ABCC11: variants seen among roughly 807,000 people sequenced by gnomAD.
ABCC11 encodes the protein ATP binding cassette subfamily C member 11.
A neutral mutation model predicts 149.3 loss-of-function variants in ABCC11; 135 were observed. The ratio of observed to expected loss-of-function variants is 0.90; its 90% CI spans 0.79 to 1.04. The LOEUF (loss-of-function observed/expected upper bound fraction) is 1.04. Ranked by LOEUF, ABCC11 falls within the 50% of genes least tolerant of loss-of-function variation. The probability of loss-of-function intolerance (pLI) is 0.00; values close to 1 mark genes in which losing one functional copy is unlikely to be tolerated. For missense variants in ABCC11, 1,680 were observed against 1,722.1 expected (o/e 0.98, Z 0.43); for synonymous variants, 665 against 671.4 (o/e 0.99, Z 0.15).
At chr16:48,201,491 T>C (rs952372723) in intron 14 of ABCC11, among the ~76,000 whole-genome samples, 8 of 149,024 alleles carry the variant, frequency 5.4e-5, no homozygotes, top group African/African-American at 2.0e-4. Flanking sequence ...TTTTTTTTTT[T>C]TGTAGAGATG....
chr16:48,223,067 C>T (rs1004938216), intron 5 of ABCC11, among the ~76,000 whole-genome samples: 3 of 152,320 alleles, frequency 2.0e-5, no homozygotes, highest in Middle Eastern at 3.4e-3. Context: ...TGACAGGAGA[C>T]AGGGGACACA....
intron 13 of ABCC11, among the ~76,000 whole-genome samples, chr16:48,203,739 G>C (rs143509346): frequency 2.0e-5 from 3 of 152,248 alleles, no homozygotes; most frequent in African/African-American, 7.2e-5. Flanking sequence ...GTGCTGGTGC[G>C]TGCCTGTAGT....
At chr16:48,206,543 A>C (rs1313792470) in intron 12 of ABCC11, among the ~76,000 whole-genome samples, 1 of 152,212 alleles carries the variant, frequency 6.6e-6, no homozygotes, top group African/African-American at 2.4e-5. Flanking sequence ...TTTATACCCT[A>C]AAATGTTTAC....
intron 6 of ABCC11, among the ~76,000 whole-genome samples, chr16:48,222,102 G>A (rs1204787212): frequency 6.7e-6 from 1 of 149,896 alleles, no homozygotes; most frequent in Non-Finnish European, 1.5e-5. Context: ...TTTTTTGCAG[G>A]GTTGGAAGTA....
At chr16:48,210,893 C>T in intron 11 of ABCC11, 55 bp downstream of exon 11, 1 of 1,591,738 alleles carries the variant, frequency 6.3e-7, no homozygotes, top group Non-Finnish European at 8.6e-7. Flanking sequence ...AGCTCCTAGC[C>T]TCAGGTCCTG....
In ABCC11 at chr16:48,167,335, C is replaced by T. The variant is rs1185647784; in HGVS notation, c.4088G>A (p.Arg1363Gln). Residue 1363 changes from arginine to glutamine, a missense_variant, in exon 30 of 30, where the codon CGG (arginine) becomes CAG (glutamine). Arg to Gln is a conservative substitution (Grantham distance 43). Coordinates refer to ENST00000356608, the MANE Select transcript of ABCC11 (RefSeq NM_001370497.1). ...VVEFDRPEVLRKKPGSLFAAL... is the reference protein window; with the variant it reads ...VVEFDRPEVLQKKPGSLFAAL... ...TGCGAACAATGACCCAGGCTTCTTC[C>T]GCAGTACCTCCGGCCGATCAAATTC... is the stretch of plus-strand genomic sequence containing the variant. The T allele has an allele frequency of 2.2e-5, 24 of 1,099,414 alleles. No individual in the cohort carries two copies. Among genetic ancestry groups the T allele is most frequent in the Middle Eastern group, 2.0e-4 (1 of 5,124 alleles). The allele number at this position is 1,099,414 out of a possible 1,614,324, so 68.1% of individuals were successfully genotyped here.
intron 1 of ABCC11, among the ~76,000 whole-genome samples, chr16:48,241,841 T>C (rs954023774): frequency 6.6e-6 from 1 of 152,200 alleles, no homozygotes; most frequent in Non-Finnish European, 1.5e-5. Flanking sequence ...TGGCTAGCCA[T>C]ATGTAGAAAG....
At chr16:48,179,699 G>A (rs189940272) in intron 23 of ABCC11, among the ~76,000 whole-genome samples, 7 of 152,336 alleles carry the variant, frequency 4.6e-5, no homozygotes, top group Admixed American at 4.6e-4. Context: ...AGAAGCCCTG[G>A]AGTGCCACTG....
intron 22 of ABCC11, 47 bp from the exon 23 acceptor site, chr16:48,184,673 G>C: frequency 6.4e-7 from 1 of 1,573,252 alleles, no homozygotes. Context: ...GTCTGACCTA[G>C]GGTCTCCCCG....
chr16:48,200,745 G>A (rs999101640), intron 14 of ABCC11, among the ~76,000 whole-genome samples: 7 of 152,206 alleles, frequency 4.6e-5, no homozygotes, highest in Admixed American at 1.3e-4. Context: ...GGGTAGGGAA[G>A]GGAGGTGAGA....
intron 14 of ABCC11, 127 bp from the exon 15 acceptor site, chr16:48,200,606 T>G: frequency 1.1e-6 from 1 of 945,800 alleles, no homozygotes; most frequent in Non-Finnish European, 1.5e-6. Context: ...CACTCCAGGA[T>G]ACCTGATAAT....
At chr16:48,177,186 C>T in intron 24 of ABCC11, 73 bp from the exon 25 acceptor site, 14 of 1,483,846 alleles carry the variant, frequency 9.4e-6, no homozygotes, top group Non-Finnish European at 1.3e-5. Context: ...GGCCTGCCAG[C>T]CTCCCGCTGT....
intron 17 of ABCC11, among the ~76,000 whole-genome samples, chr16:48,197,415 T>G (rs556066856): frequency 6.6e-6 from 1 of 152,216 alleles, no homozygotes; most frequent in South Asian, 2.1e-4. Flanking sequence ...AATCTCCACT[T>G]TTGCCGAGAA....
chr16:48,222,598 CT>C lies in ABCC11; in HGVS notation c.776del (p.Glu259GlyfsTer10). 1 of 1,613,588 alleles carries C rather than the reference CT, an allele frequency of 6.2e-7. No individual in the cohort carries two copies. Among genetic ancestry groups the C allele is most frequent in the Non-Finnish European group, 8.5e-7 (1 of 1,179,470 alleles). On this transcript the variant is annotated frameshift_variant and splice_region_variant, in exon 6 of 30. Transcript: ENST00000356608. LOFTEE classifies it high-confidence loss of function. Reference protein sequence around the residue: ...FKSVIHITSGEAISFFTGDVN... With the variant: ...FKSVIHITSGXAISFFTGDVN... ...AGAATAGGCAGTCCCAGCTGCTTAC[CT>C]CTCCTGAGGTGATGTGTATTACAGA...
Position 48,186,467 on chromosome 16 carries a change from C to T in ABCC11, c.3071+486G>A, listed in dbSNP as rs1966750667. Reference sequence around the variant, plus strand: ...ATTATTCTCTACAAACAGATAAGTTCGTGTTACACCATTAAACCTCAACAA... The same window carrying T: ...ATTATTCTCTACAAACAGATAAGTTTGTGTTACACCATTAAACCTCAACAA... On this transcript the variant is annotated intron_variant, in intron 22 of 29. Transcript: ENST00000356608. 2.0e-5 allele frequency among the ~76,000 whole-genome samples: 3 copies of T among 152,186 alleles called. 1 individual carries two copies. The highest frequency in any genetic ancestry group is 1.3e-4 in the Admixed American group (2 of 15,290).
chr16:48,185,744 T>C (rs1434255362), intron 22 of ABCC11, among the ~76,000 whole-genome samples: 16 of 152,106 alleles, frequency 1.1e-4, no homozygotes, highest in Admixed American at 1.0e-3. Context: ...ACATTCCAAA[T>C]TCTGTCCACC....
intron 27 of ABCC11, among the ~76,000 whole-genome samples, chr16:48,170,470 C>T (rs970419778): frequency 3.9e-5 from 6 of 152,098 alleles, no homozygotes; most frequent in African/African-American, 1.4e-4. Context: ...GGTCTCAGCT[C>T]AGCTGCCACC....
chr16:48,231,988 G>A, intron 1 of ABCC11, 49 bp from the exon 2 acceptor site: 18 of 1,610,100 alleles, frequency 1.1e-5, no homozygotes, highest in Non-Finnish European at 1.4e-5. Context: ...GGAGTTAGAA[G>A]AAGCTTAGAT....
intron 12 of ABCC11, among the ~76,000 whole-genome samples, chr16:48,207,362 G>T (rs901420902): frequency 6.6e-6 from 1 of 151,998 alleles, no homozygotes; most frequent in Non-Finnish European, 1.5e-5. Flanking sequence ...TGGGTTTGGG[G>T]TTTTTTTGAA....
Sources: gnomAD v4.1 joint callset for allele counts (sites outside exome capture counted in the v4.1 genomes callset) on GRCh38, gnomAD v4.1.1 for gene constraint, MANE v1.5 for transcripts, NCBI Gene and HGNC (gene_info 2026-07-23, HGNC 2026-07-21) for gene names.